MGST1: variants seen among roughly 807,000 people sequenced by gnomAD.
MGST1 encodes the protein glutathione S-transferase 12.
In MGST1, 5 loss-of-function variants were observed where a neutral mutation model predicts 8.9. The ratio of observed to expected loss-of-function variants is 0.56; its 90% confidence interval spans 0.29 to 1.19. The LOEUF is 1.19. MGST1 is among the 50% of genes most tolerant of loss of function. The pLI, the probability that MGST1 is intolerant of heterozygous loss-of-function variation, is 0.08. For synonymous variants in MGST1, 54 were observed against 67.8 expected, an observed-to-expected ratio of 0.80 and a Z score of 1.00; for missense variants, 182 against 187.4, an observed-to-expected ratio of 0.97 and a Z score of 0.17.
intron 4 of MGST1, among the ~76,000 whole-genome samples, chr12:16,480,259 C>G (rs1438615659): frequency 6.6e-6 from 1 of 151,424 alleles, no homozygotes; most frequent in South Asian, 2.1e-4. Context: ...TCTCCTGCCT[C>G]AACCTCCTGA....
intron 4 of MGST1, among the ~76,000 whole-genome samples, chr12:16,501,691 A>G (rs533802616): frequency 6.6e-6 from 1 of 152,304 alleles, no homozygotes; most frequent in South Asian, 2.1e-4. Flanking sequence ...TTCATTACCC[A>G]GTTACTGTGT....
chr12:16,469,621 C>G (rs1941280056), intron 4 of MGST1, among the ~76,000 whole-genome samples: 2 of 152,158 alleles, frequency 1.3e-5, no homozygotes, highest in African/African-American at 4.8e-5. Context: ...GATGAGAGAA[C>G]CCATCTGTTA....
In MGST1 at chr12:16,563,471, C is replaced by A. The variant is rs1197171746; in HGVS notation, n.483-26057C>A. Among the ~76,000 whole-genome samples the A allele has an allele frequency of 3.3e-5, 5 of 152,288 alleles. No individual in the cohort carries two copies. The East Asian group carries it at 9.6e-4, about 29-fold the overall frequency. On this transcript the variant is annotated intron_variant and non_coding_transcript_variant, in intron 4 of 4. Transcript: ENST00000538857. ...TCATATATGTCAATTAAGCATAAGACAGGCATAGTTCTCCTTTGTAAGATT... is the reference window on the plus strand; with the variant it reads ...TCATATATGTCAATTAAGCATAAGAAAGGCATAGTTCTCCTTTGTAAGATT...
At chr12:16,360,789 C>G (rs535638344) in intron 3 of MGST1, among the ~76,000 whole-genome samples, 1 of 152,164 alleles carries the variant, frequency 6.6e-6, no homozygotes, top group African/African-American at 2.4e-5. Flanking sequence ...CTAAGTGACA[C>G]TTGCTGGGGA....
At chr12:16,381,372 A>T (rs1348146319), downstream of MGST1, among the ~76,000 whole-genome samples, 1 of 152,096 alleles carries the variant, frequency 6.6e-6, no homozygotes, top group Non-Finnish European at 1.5e-5. Context: ...TTGTCTGTAA[A>T]GTATTTTATT....
At chr12:16,471,781 T>G (rs1007427468) in intron 4 of MGST1, among the ~76,000 whole-genome samples, 1 of 152,192 alleles carries the variant, frequency 6.6e-6, no homozygotes, top group Non-Finnish European at 1.5e-5. Flanking sequence ...GCCTACAAAT[T>G]TTTATCTTCC....
intron 4 of MGST1, among the ~76,000 whole-genome samples, chr12:16,486,015 T>C (rs1313906439): frequency 2.0e-5 from 3 of 152,198 alleles, no homozygotes; most frequent in Non-Finnish European, 2.9e-5. Context: ...GCTCTTACCT[T>C]GCCAGATGCT....
At chr12:16,374,239 T>A (rs1053894914) in intron 3 of MGST1, among the ~76,000 whole-genome samples, 1 of 152,178 alleles carries the variant, frequency 6.6e-6, no homozygotes, top group African/African-American at 2.4e-5. Context: ...AAACAGCTGA[T>A]GATGTCTAAC....
chr12:16,466,952 A>G (rs1941259400), intron 4 of MGST1, among the ~76,000 whole-genome samples: 1 of 152,172 alleles, frequency 6.6e-6, no homozygotes, highest in African/African-American at 2.4e-5. Context: ...TATAAAAGGC[A>G]GTCTGACCCC....
intron 4 of MGST1, among the ~76,000 whole-genome samples, chr12:16,553,607 T>C (rs564452610): frequency 2.0e-4 from 30 of 152,224 alleles, no homozygotes; most frequent in African/African-American, 7.0e-4. Flanking sequence ...GAAACGAACA[T>C]GGATGAGGGA....
At chr12:16,360,202 C>A in intron 3 of MGST1, 1 of 296,678 alleles carries the variant, frequency 3.4e-6, no homozygotes, top group Non-Finnish European at 5.0e-6. Flanking sequence ...TGCCTAATAA[C>A]ACACTTTTGG....
intron 1 of MGST1, among the ~76,000 whole-genome samples, chr12:16,390,304 A>G (rs917743600): frequency 2.0e-5 from 3 of 152,348 alleles, no homozygotes; most frequent in East Asian, 1.9e-4. Flanking sequence ...AGAAAAAAAC[A>G]GTATTTGTTT....
intron 4 of MGST1, among the ~76,000 whole-genome samples, chr12:16,465,104 T>C (rs1220563082): frequency 1.3e-5 from 2 of 152,218 alleles, no homozygotes; most frequent in Non-Finnish European, 2.9e-5. Flanking sequence ...CTAAAAGCTT[T>C]CTTTATTGAC....
chr12:16,407,689 T>TA (rs202222229), intron 1 of MGST1, among the ~76,000 whole-genome samples: 14 of 150,472 alleles, frequency 9.3e-5, no homozygotes, highest in East Asian at 1.9e-4. Context: ...GTGAACTAGA[T>TA]AAAAAAAAAT....
intron 3 of MGST1, among the ~76,000 whole-genome samples, chr12:16,375,539 A>G (rs1940365440): frequency 6.6e-6 from 1 of 152,050 alleles, no homozygotes; most frequent in African/African-American, 2.4e-5. Flanking sequence ...CTTTTCAGTA[A>G]TAGTATTATT....
intron 1 of MGST1, among the ~76,000 whole-genome samples, chr12:16,394,515 TTTCTTTCTTTCTTTCTTTC>T (rs1354068053): frequency 1.3e-3 from 5 of 3,914 alleles, no homozygotes; most frequent in Non-Finnish European, 3.7e-3. Context: ...TTTCTCTCCC[TTTCTTTCTTTCTTTCTTTC>T]TTTCTTTCTT....
chr12:16,427,460 G>A (rs935964950), intron 1 of MGST1, among the ~76,000 whole-genome samples: 1 of 152,196 alleles, frequency 6.6e-6, no homozygotes, highest in Admixed American at 6.5e-5. Context: ...TTGGCTCACT[G>A]CAACCTCTGT....
At chr12:16,408,850 C>G (rs1591719748) in intron 1 of MGST1, among the ~76,000 whole-genome samples, 1 of 152,082 alleles carries the variant, frequency 6.6e-6, no homozygotes, top group East Asian at 1.9e-4. Flanking sequence ...TGGACTATTT[C>G]TTTTGAACTA....
chr12:16,454,425 G>A (rs1204013318), intron 4 of MGST1, among the ~76,000 whole-genome samples: 5 of 151,662 alleles, frequency 3.3e-5, no homozygotes, highest in African/African-American at 4.8e-5. Flanking sequence ...TAAATAATGA[G>A]GGCATTGTGC....
Sources: allele counts gnomAD v4.1 joint callset (sites outside exome capture counted in the v4.1 genomes callset), GRCh38; gene constraint gnomAD v4.1.1; transcripts MANE v1.5; gene names NCBI Gene and HGNC (gene_info 2026-07-23, HGNC 2026-07-21).